The following NXPE1 variants were observed in gnomAD, a reference collection of about 807,000 sequenced individuals.
NXPE1 encodes the protein NXPE family member 1.
NXPE1 carries 31 observed loss-of-function variants against 33.3 expected under a neutral mutation model. The observed-to-expected ratio is 0.93, with a 90% CI of 0.70 to 1.26. The LOEUF is 1.26. NXPE1 is among the 50% of genes most tolerant of loss of function. The pLI is 0.00. For missense variants in NXPE1, 661 were observed against 655.6 expected, an observed-to-expected ratio of 1.01 and a Z score of -0.09; for synonymous variants, 229 against 231.4, an observed-to-expected ratio of 0.99 and a Z score of 0.09.
intron 1 of NXPE1, 24 bp from the exon 2 acceptor site, chr11:114,552,904 A>T (rs1445152039): frequency 1.0e-6 from 1 of 952,936 alleles, no homozygotes; most frequent in Admixed American, 6.2e-5. Context: ...GAAGCAGCAA[A>T]ATTAATGAAA....
chr11:114,539,985 T>A (rs1303751086), intron 5 of NXPE1, among the ~76,000 whole-genome samples: 1 of 152,178 alleles, frequency 6.6e-6, no homozygotes, highest in Admixed American at 6.6e-5. Context: ...TAACTAAAAG[T>A]TCAATATAAA....
chr11:114,527,922 A>G (rs770957797), intron 6 of NXPE1, 21 bp from the exon 7 acceptor site: 13 of 1,578,326 alleles, frequency 8.2e-6, no homozygotes, highest in Non-Finnish European at 8.7e-6. Context: ...AAAATAGAAC[A>G]ATAAATTAGC....
At chr11:114,521,847 C>T (rs1294838875) in exon 9 of NXPE1, 1 of 765,994 alleles carries the variant, frequency 1.3e-6, no homozygotes, top group African/African-American at 1.8e-5. Flanking sequence ...GCCTTCCTCC[C>T]CAAACAGATT....
chr11:114,530,488 C>T (rs375194760), exon 6 of NXPE1: 92 of 1,613,816 alleles, frequency 5.7e-5, no homozygotes, highest in Admixed American at 5.7e-4. Context: ...GAGACCTGGC[C>T]CTCCCAGAAC....
intron 8 of NXPE1, 28 bp from the exon 9 acceptor site, chr11:114,522,531 A>T: frequency 6.7e-7 from 1 of 1,494,566 alleles, no homozygotes; most frequent in Admixed American, 2.0e-5. Context: ...AGATGTTTTA[A>T]ATAGAAGATA....
At chr11:114,533,167 A>AT (rs1009797521) in intron 5 of NXPE1, among the ~76,000 whole-genome samples, 5 of 152,134 alleles carry the variant, frequency 3.3e-5, no homozygotes, top group Admixed American at 6.5e-5. Context: ...TCTTTTCTTT[A>AT]TTTTTTATAG....
At chr11:114,543,001 T>G (rs1948153724) in intron 5 of NXPE1, among the ~76,000 whole-genome samples, 1 of 152,158 alleles carries the variant, frequency 6.6e-6, no homozygotes, top group South Asian at 2.1e-4. Flanking sequence ...ATGCCTATAA[T>G]CCCAGCACTT....
chr11:114,550,535 A>G (rs1308374722), intron 5 of NXPE1, among the ~76,000 whole-genome samples: 1 of 152,196 alleles, frequency 6.6e-6, no homozygotes, highest in African/African-American at 2.4e-5. Flanking sequence ...AAAAAGTTAA[A>G]TGAGATTGAT....
rs1565294834 is a variant in NXPE1 at position 114,522,523 on chromosome 11, A to C, written c.1109-20T>G. ...TCAGTGCTGATAAAAAAACAAATAG[A>C]TGTTTTAAATAGAAGATAATGGTTA... is the stretch of plus-strand genomic sequence containing the variant. On this transcript the variant is annotated intron_variant, in intron 8 of 8. Coordinates refer to ENST00000534921, the Ensembl canonical transcript of NXPE1. 6.5e-7 allele frequency: 1 copy of C among 1,529,806 alleles called. No individual in the cohort carries two copies. The highest frequency in any genetic ancestry group is 8.9e-7 in the Non-Finnish European group (1 of 1,127,546). 94.8% of individuals were successfully genotyped at this position (1,529,806 alleles called of 1,614,324 possible). A position where few individuals can be genotyped will look rare whatever the true frequency, so the allele number is the denominator to read the frequency against.
At chr11:114,545,206 C>G (rs1486095552) in intron 5 of NXPE1, among the ~76,000 whole-genome samples, 1 of 152,118 alleles carries the variant, frequency 6.6e-6, no homozygotes, top group Admixed American at 6.5e-5. Context: ...AGCAGTTTTT[C>G]TCCTGTATAC....
rs1947520652 is a variant in NXPE1, at chr11:114,530,085, A to AGTCATG, written c.833+84_833+89dup. 11 of 1,335,446 alleles carry AGTCATG rather than the reference A, an allele frequency of 8.2e-6. No individual in the cohort carries two copies. In the South Asian group the frequency reaches 1.3e-4, roughly 16 times the overall value. 82.7% of individuals were successfully genotyped at this position (1,335,446 alleles called of 1,614,324 possible). ...TTACCTTGAGTACAGGAGGCCTCTG[A>AGTCATG]GTCATGCTCAATGTTGCAATGGGCA... is the stretch of plus-strand genomic sequence containing the variant. On this transcript the variant is annotated intron_variant, in intron 6 of 8. Coordinates refer to ENST00000534921, the Ensembl canonical transcript of NXPE1.
exon 9 of NXPE1, chr11:114,522,221 A>T (rs142940759): frequency 8.0e-5 from 129 of 1,613,992 alleles, no homozygotes; most frequent in Non-Finnish European, 1.1e-4. Context: ...TCTTAGGAAC[A>T]GTCTTTCAAT....
chr11:114,522,436 T>A (rs772589598), exon 9 of NXPE1: 1 of 1,613,590 alleles, frequency 6.2e-7, no homozygotes, highest in African/African-American at 1.3e-5. Flanking sequence ...TCTGAGTGTG[T>A]CTTTCTGCAT....
intron 1 of NXPE1, among the ~76,000 whole-genome samples, chr11:114,556,975 C>G (rs1221806786): frequency 6.6e-6 from 1 of 151,734 alleles, no homozygotes; most frequent in African/African-American, 2.4e-5. Context: ...TCACTGCAAC[C>G]TCTGTCTCCT....
intron 7 of NXPE1, among the ~76,000 whole-genome samples, chr11:114,525,859 G>A (rs1488886861): frequency 1.3e-5 from 2 of 152,204 alleles, no homozygotes; most frequent in Non-Finnish European, 2.9e-5. Context: ...GCCTTTGGAA[G>A]TTAATCCACT....
At chr11:114,532,626 C>G (rs1325683858) in intron 5 of NXPE1, among the ~76,000 whole-genome samples, 3 of 151,986 alleles carry the variant, frequency 2.0e-5, no homozygotes, top group Non-Finnish European at 2.9e-5. Context: ...ATATTTTATA[C>G]TAAAACTAGG....
intron 5 of NXPE1, among the ~76,000 whole-genome samples, chr11:114,548,882 A>G (rs1476126807): frequency 3.3e-5 from 5 of 151,978 alleles, no homozygotes; most frequent in Non-Finnish European, 7.4e-5. Context: ...GAAAGAATAA[A>G]AAATAAAAAA....
intron 7 of NXPE1, among the ~76,000 whole-genome samples, chr11:114,525,378 T>A (rs1052409937): frequency 6.6e-6 from 1 of 151,866 alleles, no homozygotes; most frequent in Non-Finnish European, 1.5e-5. Context: ...GCAGAAGATA[T>A]AAAAAGAAAA....
exon 6 of NXPE1, chr11:114,530,645 T>C (rs1348879392): frequency 1.2e-6 from 2 of 1,614,066 alleles, no homozygotes; most frequent in Admixed American, 3.3e-5. Flanking sequence ...TCACCTCCAG[T>C]AGGATGTCCA....
Sources: gnomAD v4.1 joint callset for allele counts (sites outside exome capture counted in the v4.1 genomes callset) on GRCh38, gnomAD v4.1.1 for gene constraint, MANE v1.5 for transcripts, NCBI Gene and HGNC (gene_info 2026-07-23, HGNC 2026-07-21) for gene names.